Variants in TRPM3 observed in about 807,000 individuals in gnomAD.
TRPM3 encodes long transient receptor potential channel 3.
In TRPM3, 77 loss-of-function variants were observed where a neutral mutation model predicts 181.2. The ratio of observed to expected loss-of-function variants is 0.42; its 90% confidence interval spans 0.35 to 0.51. The LOEUF (loss-of-function observed/expected upper bound fraction) is 0.51. Among genes scored for constraint, TRPM3 ranks in the 20% least tolerant of loss-of-function variants. The pLI is 0.01. For synonymous variants in TRPM3, 745 were observed against 796.4 expected, an observed-to-expected ratio of 0.94 and a Z score of 1.09; for missense variants, 1,759 against 2,196.7, an observed-to-expected ratio of 0.80 and a Z score of 3.98.
chr9:70,690,688 T>C (rs1015213590), intron 8 of TRPM3, among the ~76,000 whole-genome samples: 1 of 152,268 alleles, frequency 6.6e-6, no homozygotes, highest in Admixed American at 6.5e-5. Flanking sequence ...TTTGAAATAA[T>C]GCAGCAATTA....
At chr9:70,574,075 G>GAC (rs1175629525) in intron 22 of TRPM3, among the ~76,000 whole-genome samples, 3 of 127,148 alleles carry the variant, frequency 2.4e-5, no homozygotes, top group Non-Finnish European at 3.3e-5. Context: ...ATTCATGTCA[G>GAC]ACACACACAC....
intron 1 of TRPM3, among the ~76,000 whole-genome samples, chr9:70,885,836 C>T (rs1459161256): frequency 1.3e-5 from 2 of 152,036 alleles, no homozygotes; most frequent in South Asian, 2.1e-4. Flanking sequence ...TCTCTTTCAC[C>T]CTTGTAGATA....
At chr9:70,825,505 T>A (rs1314012697) in intron 6 of TRPM3, 1 of 152,300 alleles carries the variant, frequency 6.6e-6, no homozygotes, top group African/African-American at 2.4e-5. Context: ...AGTGCCCATG[T>A]GCCACTACCT....
chr9:70,857,807 C>T (rs73467866), intron 3 of TRPM3, among the ~76,000 whole-genome samples: 1,961 of 152,278 alleles, frequency 0.013, 47 homozygotes, highest in African/African-American at 0.045. Context: ...TGGATGCCCA[C>T]GGTCTATGCC....
In TRPM3 at chr9:71,026,244, C is replaced by T. The variant is rs541240810; in HGVS notation, c.177+94934G>A. The stretch of plus-strand genomic sequence containing the variant: ...TCCTGCACTCTGCAGGGCAGTCTTG[C>T]GCATCAGATGGGGCAGGTCTGACCT... On this transcript the variant is annotated intron_variant, in intron 1 of 25. Coordinates refer to ENST00000677713, the MANE Select transcript of TRPM3 (RefSeq NM_001366145.2). Among the ~76,000 whole-genome samples the T allele has an allele frequency of 3.9e-4, 60 of 152,262 alleles. 1 individual carries two copies. The highest frequency in any genetic ancestry group is 8.3e-4 in the South Asian group (4 of 4,826).
At chr9:70,981,588 C>T (rs981848522) in intron 1 of TRPM3, among the ~76,000 whole-genome samples, 1 of 152,134 alleles carries the variant, frequency 6.6e-6, no homozygotes, top group Non-Finnish European at 1.5e-5. Context: ...AGCAAGTCAT[C>T]AGTCTCTCTG....
intron 1 of TRPM3, among the ~76,000 whole-genome samples, chr9:71,267,499 T>C (rs2083467682): frequency 6.6e-6 from 1 of 152,038 alleles, no homozygotes; most frequent in South Asian, 2.1e-4. Flanking sequence ...TCTAAGTACT[T>C]TGGGTTGCAG....
chr9:70,696,029 A>G (rs1300302879), intron 8 of TRPM3, among the ~76,000 whole-genome samples: 1 of 152,180 alleles, frequency 6.6e-6, no homozygotes, highest in Non-Finnish European at 1.5e-5. Flanking sequence ...CGTACAAGCA[A>G]ATTGACTCCA....
intron 1 of TRPM3, among the ~76,000 whole-genome samples, chr9:71,108,359 T>C (rs749381707): frequency 6.6e-6 from 1 of 152,176 alleles, no homozygotes; most frequent in African/African-American, 2.4e-5. Context: ...TTCATGCTAA[T>C]TGAGTTAGTG....
intron 1 of TRPM3, among the ~76,000 whole-genome samples, chr9:71,079,052 A>G (rs1591242401): frequency 6.6e-6 from 1 of 151,928 alleles, no homozygotes; most frequent in Non-Finnish European, 1.5e-5. Context: ...TAAACTCTCT[A>G]CCTTCATACC....
Position 70,902,657 on chromosome 9 carries a change from T to C in TRPM3, c.178-38146A>G, listed in dbSNP as rs76690304. Reference sequence around the variant, plus strand: ...GAGCAAAAAAAACAAGCCATGCTCATTCATTGATTTAGTTCTTAAGGACAT... The same window carrying C: ...GAGCAAAAAAAACAAGCCATGCTCACTCATTGATTTAGTTCTTAAGGACAT... On this transcript the variant is annotated intron_variant, in intron 1 of 25. Coordinates refer to ENST00000677713, the MANE Select transcript of TRPM3 (RefSeq NM_001366145.2). Among the ~76,000 whole-genome samples, 1,222 of 152,294 alleles carry C rather than the reference T, an allele frequency of 8.0e-3. 16 individuals are homozygous for C. Among genetic ancestry groups the C allele is most frequent in the African/African-American group, 0.027 (1,109 of 41,566 alleles).
At position 71,066,001 on chromosome 9, in the gene TRPM3, G is replaced by T. The variant is rs1317901403; in HGVS notation, c.177+55177C>A. On this transcript the variant is annotated intron_variant, in intron 1 of 25. Transcript: ENST00000677713. ...CAGCCATCTGGGACTTAAGTGTAGG[G>T]GAAAACTGCTGTCTATGCATCAGTA... Among the ~76,000 whole-genome samples the T allele has an allele frequency of 2.0e-5, 3 of 152,060 alleles. No homozygotes were observed. In the East Asian group the frequency reaches 5.8e-4, roughly 29 times the overall value.
chr9:70,996,116 TA>T (rs1351967236), intron 1 of TRPM3, among the ~76,000 whole-genome samples: 1 of 152,190 alleles, frequency 6.6e-6, no homozygotes, highest in Non-Finnish European at 1.5e-5. Context: ...GTGGTTGAAA[TA>T]ATAAAAGGTC....
intron 1 of TRPM3, among the ~76,000 whole-genome samples, chr9:71,180,333 G>C (rs1260631772): frequency 6.6e-6 from 1 of 152,078 alleles, no homozygotes; most frequent in Non-Finnish European, 1.5e-5. Context: ...GTGATTACAG[G>C]CATGAGCCAC....
At chr9:71,196,167 ATG>A (rs71507026) in intron 1 of TRPM3, among the ~76,000 whole-genome samples, 61,576 of 148,998 alleles carry the variant, frequency 0.41, 13,265 homozygotes, top group Non-Finnish European at 0.49. Context: ...ACACACGTAT[ATG>A]TGTGTGTGTG....
At chr9:70,995,295 G>T (rs1004537822) in intron 1 of TRPM3, among the ~76,000 whole-genome samples, 10 of 152,158 alleles carry the variant, frequency 6.6e-5, no homozygotes, top group Admixed American at 1.3e-4. Context: ...CTTTATTCAA[G>T]AATATGTTAT....
chr9:71,294,605 C>G (rs1588342243), intron 1 of TRPM3, among the ~76,000 whole-genome samples: 1 of 152,176 alleles, frequency 6.6e-6, no homozygotes, highest in Middle Eastern at 3.4e-3. Context: ...TATTCAATGA[C>G]CAAGTATAAA....
intron 9 of TRPM3, among the ~76,000 whole-genome samples, chr9:70,649,867 T>G (rs1589787435): frequency 6.6e-6 from 1 of 152,198 alleles, no homozygotes; most frequent in African/African-American, 2.4e-5. Context: ...ACATGAATTT[T>G]TATCACAGCA....
intron 1 of TRPM3, among the ~76,000 whole-genome samples, chr9:71,165,833 A>C (rs956735853): frequency 6.6e-6 from 1 of 152,176 alleles, no homozygotes; most frequent in African/African-American, 2.4e-5. Context: ...GAGCATGGTA[A>C]AACAGTTTGT....
Sources: gnomAD v4.1 joint callset for allele counts (sites outside exome capture counted in the v4.1 genomes callset) on GRCh38, gnomAD v4.1.1 for gene constraint, MANE v1.5 for transcripts, NCBI Gene and HGNC (gene_info 2026-07-23, HGNC 2026-07-21) for gene names.